Variants in TENM2 observed in about 807,000 individuals in gnomAD.
TENM2 encodes the protein teneurin transmembrane protein 2.
A neutral mutation model predicts 245.2 loss-of-function variants in TENM2; 52 were observed. That is an observed-to-expected ratio of 0.21 (90% CI 0.17 to 0.27). The LOEUF is 0.27. Ranked by LOEUF, TENM2 falls within the 10% of genes least tolerant of loss-of-function variation. TENM2 has a pLI of 1.00. For synonymous variants in TENM2, 1,363 were observed against 1,438.9 expected (o/e 0.95, Z 1.19); for missense variants, 3,046 against 3,666.8 (o/e 0.83, Z 4.37).
chr5:167,854,716 T>A (rs1770907701), intron 2 of TENM2, among the ~76,000 whole-genome samples: 1 of 152,204 alleles, frequency 6.6e-6, no homozygotes. Context: ...GCAAGCACAT[T>A]GCATATATAT....
chr5:168,229,246 A>G (rs939229551), intron 25 of TENM2, among the ~76,000 whole-genome samples: 5 of 92,224 alleles, frequency 5.4e-5, no homozygotes, highest in Non-Finnish European at 9.1e-5. Flanking sequence ...AGAAAGGGCA[A>G]TGCCAGGACT....
At chr5:168,086,791 C>G (rs1203225435) in intron 7 of TENM2, among the ~76,000 whole-genome samples, 1 of 152,220 alleles carries the variant, frequency 6.6e-6, no homozygotes, top group Non-Finnish European at 1.5e-5. Flanking sequence ...AGCCAGATGT[C>G]CCCAATACTA....
chr5:167,833,002 T>C (rs1768644281), intron 2 of TENM2, among the ~76,000 whole-genome samples: 2 of 152,168 alleles, frequency 1.3e-5, no homozygotes, highest in South Asian at 4.1e-4. Context: ...AGAGTGGTTC[T>C]ATCTAGAAAG....
intron 3 of TENM2, among the ~76,000 whole-genome samples, chr5:167,884,280 A>G (rs1262482810): frequency 1.3e-5 from 2 of 152,214 alleles, no homozygotes; most frequent in Admixed American, 6.5e-5. Flanking sequence ...TACCATTTAT[A>G]CTATTTTTAA....
At chr5:167,177,144 A>G in the TENM2 span, among the ~76,000 whole-genome samples, 3 of 152,216 alleles carry the variant, frequency 2.0e-5, no homozygotes, top group Non-Finnish European at 4.4e-5. Flanking sequence ...AATTTGTTCT[A>G]TGAGTTAAAG....
At chr5:167,983,914 G>C (rs148160470) in intron 4 of TENM2, among the ~76,000 whole-genome samples, 10 of 152,256 alleles carry the variant, frequency 6.6e-5, no homozygotes, top group Admixed American at 2.0e-4. Context: ...CACTATGCTC[G>C]GTCAAGGAGA....
At chr5:167,678,008 A>G (rs1303382778) in intron 2 of TENM2, among the ~76,000 whole-genome samples, 1 of 152,020 alleles carries the variant, frequency 6.6e-6, no homozygotes, top group African/African-American at 2.4e-5. Flanking sequence ...AATAATACTT[A>G]AAGACATGGA....
chr5:167,146,795 A>G, the TENM2 span, among the ~76,000 whole-genome samples: 1 of 152,142 alleles, frequency 6.6e-6, no homozygotes. Flanking sequence ...TCAGAAGAAC[A>G]CTGAAAAGAA....
At chr5:167,662,864 A>G (rs948636808) in intron 2 of TENM2, among the ~76,000 whole-genome samples, 3 of 152,184 alleles carry the variant, frequency 2.0e-5, no homozygotes, top group African/African-American at 4.8e-5. Context: ...GTCAGAGCCC[A>G]TAGATCAACA....
At chr5:168,071,004 C>T (rs1273886922) in intron 7 of TENM2, among the ~76,000 whole-genome samples, 2 of 152,102 alleles carry the variant, frequency 1.3e-5, no homozygotes, top group African/African-American at 2.4e-5. Flanking sequence ...GAGAAAGAAA[C>T]TGCTGTGGAA....
At chr5:167,023,537 G>T in the TENM2 span, among the ~76,000 whole-genome samples, 3 of 152,256 alleles carry the variant, frequency 2.0e-5, no homozygotes. Flanking sequence ...GATAATTTTC[G>T]AAGGTAAAAT....
rs570065389 is a variant in TENM2, at chr5:167,392,180, G to A, written c.502+16707G>A. Among the ~76,000 whole-genome samples, 3 of 152,200 alleles carry A rather than the reference G, an allele frequency of 2.0e-5. No homozygotes were observed. The East Asian group carries it at 5.8e-4, about 29-fold the overall frequency. On this transcript the variant is annotated intron_variant, in intron 2 of 28. Transcript: ENST00000518659. ...TCATCAGTACAGGAGAAAGAGAAAA[G>A]GAATTTAAAAAGGGATAGGGTCACA...
the TENM2 span, among the ~76,000 whole-genome samples, chr5:167,094,827 T>C: frequency 6.6e-6 from 1 of 152,220 alleles, no homozygotes; most frequent in Non-Finnish European, 1.5e-5. Context: ...GGCAAGTGAA[T>C]TTCTCTGCAA....
At chr5:167,820,847 T>C (rs1023301285) in intron 2 of TENM2, among the ~76,000 whole-genome samples, 1 of 152,038 alleles carries the variant, frequency 6.6e-6, no homozygotes, top group Non-Finnish European at 1.5e-5. Flanking sequence ...AAAGGCAAAG[T>C]GTGCATTGGG....
the TENM2 span, among the ~76,000 whole-genome samples, chr5:167,217,713 G>GATATATATAT: frequency 1.8e-4 from 25 of 141,196 alleles, no homozygotes; most frequent in African/African-American, 6.4e-4. Flanking sequence ...TGTAATGAGT[G>GATATATATAT]ATATATATAT....
At chr5:167,175,779 G>A in the TENM2 span, among the ~76,000 whole-genome samples, 1 of 152,048 alleles carries the variant, frequency 6.6e-6, no homozygotes, top group African/African-American at 2.4e-5. Flanking sequence ...ATGCAATCTC[G>A]GCTCACTGCA....
At chr5:167,590,255 T>C (rs1775788514) in intron 2 of TENM2, among the ~76,000 whole-genome samples, 1 of 152,212 alleles carries the variant, frequency 6.6e-6, no homozygotes, top group African/African-American at 2.4e-5. Context: ...TTTCAAATCT[T>C]GATGTAGTAA....
intron 3 of TENM2, among the ~76,000 whole-genome samples, chr5:167,926,763 CAA>C (rs1491276142): frequency 5.7e-4 from 83 of 145,018 alleles, no homozygotes; most frequent in African/African-American, 2.1e-3. Context: ...CACACACACA[CAA>C]GACCTTAGTG....
At chr5:167,253,271 A>C in the TENM2 span, among the ~76,000 whole-genome samples, 1 of 95,588 alleles carries the variant, frequency 1.0e-5, no homozygotes, top group South Asian at 3.6e-4. Flanking sequence ...TTTTTTTTTT[A>C]ATTTTTCATA....
Sources: gnomAD v4.1 joint callset for allele counts (sites outside exome capture counted in the v4.1 genomes callset) on GRCh38, gnomAD v4.1.1 for gene constraint, MANE v1.5 for transcripts, NCBI Gene and HGNC (gene_info 2026-07-23, HGNC 2026-07-21) for gene names.